B4GALT1: variants seen among roughly 807,000 people sequenced by gnomAD.
B4GALT1 encodes beta-1,4-galactosyltransferase 1, also known as N-acetyllactosamine synthase.
A neutral mutation model predicts 34.9 loss-of-function variants in B4GALT1; 16 were observed. That is an observed-to-expected ratio of 0.46 (90% confidence interval 0.31 to 0.70). The LOEUF (loss-of-function observed/expected upper bound fraction) is 0.70, where lower values mean the gene tolerates loss of function less well. B4GALT1 is among the 30% of genes least tolerant of loss of function. The pLI, the probability that B4GALT1 is intolerant of heterozygous loss-of-function variation, is 0.05. For missense variants in B4GALT1, 445 were observed against 530.5 expected, an observed-to-expected ratio of 0.84 and a Z score of 1.58; for synonymous variants, 221 against 218.1, an observed-to-expected ratio of 1.01 and a Z score of -0.12.
chr9:33,173,207 C>T, the B4GALT1 span, among the ~76,000 whole-genome samples: 1 of 152,148 alleles, frequency 6.6e-6, no homozygotes, highest in Non-Finnish European at 1.5e-5. Flanking sequence ...AGTTAGAGAC[C>T]AGCCTGGCCA....
chr9:33,126,663 A>AACATTTT (rs1554685864), intron 2 of B4GALT1, among the ~76,000 whole-genome samples: 1 of 151,394 alleles, frequency 6.6e-6, no homozygotes, highest in Non-Finnish European at 1.5e-5. Flanking sequence ...AACCATAGCA[A>AACATTTT]TATGGTAGCT....
At chr9:33,122,346 T>A (rs1288123368) in intron 2 of B4GALT1, among the ~76,000 whole-genome samples, 5 of 151,802 alleles carry the variant, frequency 3.3e-5, no homozygotes, top group Admixed American at 1.3e-4. Context: ...GGTGAGACTC[T>A]GCCTCTACAA....
intron 3 of B4GALT1, among the ~76,000 whole-genome samples, chr9:33,119,146 G>C: frequency 6.6e-6 from 1 of 152,186 alleles, no homozygotes; most frequent in East Asian, 1.9e-4. Flanking sequence ...ACAGGCACGA[G>C]CCACTGCACC....
At chr9:33,120,307 G>T in intron 3 of B4GALT1, 112 bp downstream of exon 3, 1 of 1,185,356 alleles carries the variant, frequency 8.4e-7, no homozygotes, top group Non-Finnish European at 1.3e-6. Flanking sequence ...TCTCAGAGGA[G>T]GCATTCTGCT....
chr9:33,172,462 G>A, the B4GALT1 span, among the ~76,000 whole-genome samples: 67 of 152,282 alleles, frequency 4.4e-4, 2 homozygotes, highest in South Asian at 0.013. Context: ...CAGTTGCCCT[G>A]TTTGTTCCAA....
the B4GALT1 span, among the ~76,000 whole-genome samples, chr9:33,180,864 G>C: frequency 6.6e-6 from 1 of 152,164 alleles, no homozygotes; most frequent in Non-Finnish European, 1.5e-5. Context: ...TGCCTGTTGA[G>C]TGACAAGTAT....
chr9:33,129,372 G>A (rs1840160015), intron 2 of B4GALT1, among the ~76,000 whole-genome samples: 1 of 152,224 alleles, frequency 6.6e-6, no homozygotes, highest in Non-Finnish European at 1.5e-5. Flanking sequence ...GGTCAGCATT[G>A]AGCTGGAAGC....
chr9:33,131,069 CTG>C (rs909192573), intron 2 of B4GALT1, among the ~76,000 whole-genome samples: 6 of 152,302 alleles, frequency 3.9e-5, no homozygotes, highest in South Asian at 4.1e-4. Context: ...AGGTCACTGA[CTG>C]TAAAGTGGCA....
chr9:33,176,973 C>T, the B4GALT1 span, among the ~76,000 whole-genome samples: 2 of 152,072 alleles, frequency 1.3e-5, no homozygotes, highest in African/African-American at 4.8e-5. Context: ...CCTTAAGGCC[C>T]CATTTTACGG....
the B4GALT1 span, among the ~76,000 whole-genome samples, chr9:33,178,293 A>G: frequency 2.6e-5 from 4 of 152,282 alleles, no homozygotes; most frequent in East Asian, 7.7e-4. Context: ...TGCCTGGCCC[A>G]GAAGATCTCT....
At chr9:33,158,138 A>T (rs1840624020) in intron 1 of B4GALT1, among the ~76,000 whole-genome samples, 1 of 152,162 alleles carries the variant, frequency 6.6e-6, no homozygotes, top group African/African-American at 2.4e-5. Context: ...CCCACTCGCC[A>T]AACTGGAATC....
chr9:33,109,502 C>T (rs1839830685), downstream of B4GALT1, among the ~76,000 whole-genome samples: 1 of 152,228 alleles, frequency 6.6e-6, no homozygotes, highest in Non-Finnish European at 1.5e-5. Context: ...GCTGGTTGGT[C>T]AGAAGTATAG....
rs1839867224 is a variant in B4GALT1 at position 33,111,843 on chromosome 9, A to G, written c.*1611T>C. 1 of 152,524 alleles carries G rather than the reference A, an allele frequency of 6.6e-6. No homozygotes were observed. The highest frequency in any genetic ancestry group is 6.5e-5 in the Admixed American group (1 of 15,290). 9.4% of individuals were successfully genotyped at this position (152,524 alleles called of 1,614,324 possible). On this transcript the variant is annotated 3_prime_UTR_variant, in exon 6 of 6. Transcript: ENST00000379731. Reference sequence around the variant, plus strand: ...CCCAACAGAGGTGGGTTTGTGACAGACAGCCCTGTGGGTGGGAGCCTCAAC... The same window carrying G: ...CCCAACAGAGGTGGGTTTGTGACAGGCAGCCCTGTGGGTGGGAGCCTCAAC...
chr9:33,111,971 A>C lies in B4GALT1; in HGVS notation c.*1483T>G, dbSNP rs1385247082. On this transcript the variant is annotated 3_prime_UTR_variant, in exon 6 of 6. Coordinates refer to ENST00000379731, the MANE Select transcript of B4GALT1 (RefSeq NM_001497.4). ...TGTGGGTTCGGCTGAACTTCTTTCT[A>C]GATCACTAATTAAAAGGCACATTCA... The C allele has an allele frequency of 2.0e-5, 3 of 152,718 alleles. No homozygotes were observed. Among genetic ancestry groups the C allele is most frequent in the Non-Finnish European group, 4.4e-5 (3 of 68,076 alleles). The allele number at this position is 152,718 out of a possible 1,614,324, so 9.5% of individuals were successfully genotyped here. A position where few individuals can be genotyped will look rare whatever the true frequency, so the allele number is the denominator to read the frequency against.
downstream of B4GALT1, among the ~76,000 whole-genome samples, chr9:33,108,443 T>C (rs970712271): frequency 1.8e-5 from 1 of 54,710 alleles, no homozygotes; most frequent in Admixed American, 2.2e-4. Context: ...TGAAACTCTG[T>C]CTCTAAAAAA....
At chr9:33,126,256 C>A (rs577566149) in intron 2 of B4GALT1, among the ~76,000 whole-genome samples, 1 of 152,286 alleles carries the variant, frequency 6.6e-6, no homozygotes, top group Non-Finnish European at 1.5e-5. Flanking sequence ...TCAGCGGCAG[C>A]AGAAGCTCTG....
Position 33,166,902 on chromosome 9 carries a change from C to G in B4GALT1, c.268G>C (p.Ala90Pro), listed in dbSNP as rs1840765960. 4 of 1,580,322 alleles carry G rather than the reference C, an allele frequency of 2.5e-6. No individual in the cohort carries two copies. In the East Asian group the frequency reaches 9.1e-5, roughly 36 times the overall value. Residue 90 changes from alanine (A) to proline (P), a missense_variant, in exon 1 of 6, where the codon GCC (alanine) becomes CCC (proline). Around this residue, in one of 3 missense-constraint regions of B4GALT1, gnomAD observed 349 missense variants for 395.5 expected, o/e 0.88. Transcript: ENST00000379731. The stretch of plus-strand genomic sequence containing the variant: ...CCACCCGGGCGCGGCTGGGAGGAGG[C>G]GCCTAGAGGAGGCGGCGGCCGGGCC... Reference protein sequence around the residue: ...GGARPPPPLGASSQPRPGGDS... With the variant: ...GGARPPPPLGPSSQPRPGGDS...
At chr9:33,105,554 C>T (rs752666935) in intron 2 of B4GALT1, among the ~76,000 whole-genome samples, 51 of 152,278 alleles carry the variant, frequency 3.3e-4, no homozygotes, top group Non-Finnish European at 6.2e-4. Context: ...TGCACCACCA[C>T]CATCCATTTC....
chr9:33,135,890 A>AGAGT (rs1554686806), intron 1 of B4GALT1, among the ~76,000 whole-genome samples: 2,237 of 104,112 alleles, frequency 0.021, 48 homozygotes, highest in African/African-American at 0.029. Context: ...TAACTGGGGA[A>AGAGT]GTGTGTGTGT....
Sources: gnomAD v4.1 joint callset for allele counts (sites outside exome capture counted in the v4.1 genomes callset) on GRCh38, gnomAD v4.1.1 for gene constraint, gnomAD v4.1.1 regional missense constraint, MANE v1.5 for transcripts, NCBI Gene and HGNC (gene_info 2026-07-23, HGNC 2026-07-21) for gene names.